ELMO1: variants seen among roughly 807,000 people sequenced by gnomAD.
ELMO1 encodes the protein engulfment and cell motility protein 1.
Under a neutral mutation model 98.9 loss-of-function variants are expected in ELMO1, and 26 were observed. The observed-to-expected ratio is 0.26, with a 90% CI of 0.19 to 0.36. The LOEUF is 0.36. ELMO1 is among the 10% of genes least tolerant of loss of function. The probability of loss-of-function intolerance (pLI) is 1.00; values close to 1 mark genes in which losing one functional copy is unlikely to be tolerated. For missense variants in ELMO1, 627 were observed against 935.2 expected (o/e 0.67, Z 4.30); for synonymous variants, 346 against 346.0 (o/e 1.00, Z 0.00).
intron 15 of ELMO1, among the ~76,000 whole-genome samples, chr7:37,089,839 A>G (rs1783977357): frequency 1.3e-5 from 2 of 152,204 alleles, no homozygotes; most frequent in African/African-American, 4.8e-5. Context: ...TTCTTTAGAT[A>G]TCTAACATCC....
intron 14 of ELMO1, among the ~76,000 whole-genome samples, chr7:37,104,177 G>T (rs117812903): frequency 6.6e-6 from 1 of 151,936 alleles, no homozygotes; most frequent in Non-Finnish European, 1.5e-5. Context: ...CAAATGCTAC[G>T]ACAACAACCT....
intron 8 of ELMO1, among the ~76,000 whole-genome samples, chr7:37,226,574 G>A (rs1305002408): frequency 6.6e-6 from 1 of 152,068 alleles, no homozygotes; most frequent in Non-Finnish European, 1.5e-5. Context: ...ATAATTCTTG[G>A]CACTGGTATT....
chr7:37,009,310 T>C (rs1403364011), intron 16 of ELMO1, among the ~76,000 whole-genome samples: 5 of 152,170 alleles, frequency 3.3e-5, no homozygotes, highest in African/African-American at 1.2e-4. Context: ...ATGGCCTGAA[T>C]CAATGGATTA....
chr7:36,928,897 A>T (rs568038680), intron 16 of ELMO1, among the ~76,000 whole-genome samples: 2 of 152,366 alleles, frequency 1.3e-5, no homozygotes, highest in South Asian at 4.1e-4. Flanking sequence ...CAGCACGTGC[A>T]CCCACAACAA....
intron 13 of ELMO1, among the ~76,000 whole-genome samples, chr7:37,152,782 T>C (rs1361465867): frequency 6.6e-6 from 1 of 152,204 alleles, no homozygotes; most frequent in Admixed American, 6.5e-5. Flanking sequence ...GATATAAACT[T>C]CTATGTAAAT....
chr7:37,384,135 G>T (rs140088708), intron 1 of ELMO1, among the ~76,000 whole-genome samples: 33 of 152,172 alleles, frequency 2.2e-4, no homozygotes, highest in African/African-American at 7.7e-4. Flanking sequence ...GGTTTTGATG[G>T]CTTCTATATT....
chr7:37,310,978 C>A (rs1798861643), intron 4 of ELMO1, among the ~76,000 whole-genome samples: 1 of 149,702 alleles, frequency 6.7e-6, no homozygotes, highest in Admixed American at 6.6e-5. Context: ...CCTAAACATA[C>A]CCTTCACTTA....
intron 13 of ELMO1, among the ~76,000 whole-genome samples, chr7:37,158,644 T>C (rs1333088778): frequency 6.6e-6 from 1 of 152,120 alleles, no homozygotes; most frequent in Non-Finnish European, 1.5e-5. Context: ...CATTAAAAAG[T>C]CAGGAAACAA....
At chr7:37,423,517 T>C (rs1323370753) in intron 1 of ELMO1, among the ~76,000 whole-genome samples, 1 of 152,114 alleles carries the variant, frequency 6.6e-6, no homozygotes, top group East Asian at 1.9e-4. Flanking sequence ...GAGGCGGAGG[T>C]TGCAGTGAGC....
Position 37,213,475 on chromosome 7 carries a change from A to G in ELMO1, c.832-18T>C. 1 of 1,599,492 alleles carries G rather than the reference A, an allele frequency of 6.3e-7. No individual in the cohort carries two copies. The highest frequency in any genetic ancestry group is 2.2e-5 in the East Asian group (1 of 44,598). ...ATGACATGCTAGGGAGATGGTTCAC[A>G]AATGAAATTTTTTAAAAAAGAAAGA... is the stretch of plus-strand genomic sequence containing the variant. On this transcript the variant is annotated intron_variant, in intron 11 of 21. Transcript: ENST00000310758.
rs535013864 is a variant in ELMO1 at position 36,970,875 on chromosome 7, G to A, written c.1437+42424C>T. 1.3e-4 allele frequency among the ~76,000 whole-genome samples: 20 copies of A among 152,314 alleles called. 1 individual carries two copies. The highest frequency in any genetic ancestry group is 5.2e-4 in the Admixed American group (8 of 15,300). On this transcript the variant is annotated intron_variant, in intron 16 of 21. Coordinates refer to ENST00000310758, the MANE Select transcript of ELMO1 (RefSeq NM_014800.11). ...ACATGGCATTCAGAAGAACATCGAC[G>A]CACAGGATAAGGCTGCTCACATGAG...
At chr7:36,922,777 AC>A (rs1335899971) in intron 16 of ELMO1, among the ~76,000 whole-genome samples, 1 of 151,864 alleles carries the variant, frequency 6.6e-6, no homozygotes, top group Non-Finnish European at 1.5e-5. Context: ...AGGCCTAAGA[AC>A]CCCCCTTTCA....
intron 20 of ELMO1, among the ~76,000 whole-genome samples, chr7:36,863,101 G>A (rs1268464977): frequency 3.3e-5 from 5 of 152,116 alleles, no homozygotes; most frequent in Non-Finnish European, 5.9e-5. Context: ...GAGGGGGCAG[G>A]TCTTGTTCTG....
At chr7:37,003,318 T>C (rs1343235629) in intron 16 of ELMO1, among the ~76,000 whole-genome samples, 1 of 151,866 alleles carries the variant, frequency 6.6e-6, no homozygotes. Context: ...AGGCCAGGAG[T>C]TTGAGATGAG....
At chr7:37,396,956 AAG>A (rs552525901) in intron 1 of ELMO1, among the ~76,000 whole-genome samples, 1 of 152,200 alleles carries the variant, frequency 6.6e-6, no homozygotes, top group Non-Finnish European at 1.5e-5. Context: ...CACTAAGAAA[AAG>A]AACATTAAAT....
At chr7:36,970,931 G>A (rs1789889664) in intron 16 of ELMO1, among the ~76,000 whole-genome samples, 1 of 152,194 alleles carries the variant, frequency 6.6e-6, no homozygotes, top group African/African-American at 2.4e-5. Flanking sequence ...CAGGAGCCTT[G>A]CCATTCCAGC....
intron 16 of ELMO1, among the ~76,000 whole-genome samples, chr7:36,899,609 G>A (rs1039180124): frequency 6.9e-6 from 1 of 145,126 alleles, no homozygotes; most frequent in Non-Finnish European, 1.5e-5. Context: ...AATCCAGCAT[G>A]CATGTTTCCT....
intron 14 of ELMO1, among the ~76,000 whole-genome samples, chr7:37,129,157 TG>T (rs933027852): frequency 6.6e-6 from 1 of 151,326 alleles, no homozygotes; most frequent in African/African-American, 2.4e-5. Context: ...ACTATGGTGG[TG>T]GGGGGATGGA....
At chr7:37,411,912 C>T (rs1804007294) in intron 1 of ELMO1, among the ~76,000 whole-genome samples, 1 of 152,120 alleles carries the variant, frequency 6.6e-6, no homozygotes, top group South Asian at 2.1e-4. Flanking sequence ...CTGCTTTAAA[C>T]ACAGTGTTAT....
Sources: gnomAD v4.1 joint callset for allele counts (sites outside exome capture counted in the v4.1 genomes callset) on GRCh38, gnomAD v4.1.1 for gene constraint, MANE v1.5 for transcripts, NCBI Gene and HGNC (gene_info 2026-07-23, HGNC 2026-07-21) for gene names.